Variants in SETD6 observed in about 807,000 individuals in gnomAD.
SETD6 encodes the protein SET domain containing 6, protein lysine methyltransferase.
Under a neutral mutation model 52.7 loss-of-function variants are expected in SETD6, and 67 were observed. That is an observed-to-expected ratio of 1.27 (90% CI 1.04 to 1.56). SETD6 has a LOEUF of 1.56. SETD6 is among the 40% of genes most tolerant of loss of function. The pLI is 0.00. For missense variants in SETD6, 712 were observed against 607.5 expected (o/e 1.17, Z -1.81); for synonymous variants, 307 against 250.2 (o/e 1.23, Z -2.14).
rs551705001 is a variant in SETD6 at position 58,519,125 on chromosome 16, T to C, written c.*96T>C. 7.6e-5 allele frequency: 96 copies of C among 1,269,452 alleles called. No individual in the cohort carries two copies. The East Asian group carries it at 2.3e-3, about 31-fold the overall frequency. The allele number at this position is 1,269,452 out of a possible 1,614,324, so 78.6% of individuals were successfully genotyped here. On this transcript the variant is annotated 3_prime_UTR_variant, in exon 8 of 8. Transcript: ENST00000219315. ...AAAGAGGAAAATTTGGATCTTTCTTTTGCTTACTAAACACCAAGAGGAAAA... is the reference window on the plus strand; with the variant it reads ...AAAGAGGAAAATTTGGATCTTTCTTCTGCTTACTAAACACCAAGAGGAAAA...
Position 58,518,108 on chromosome 16 carries a change from A to G in SETD6, c.850A>G (p.Thr284Ala). ...PIPKGHEIFN[T>A]YGQMANWQLI... ...TCCTAAAGGCCATGAGATTTTCAAC[A>G]CTTATGGGCAAATGGCTAACTGGCA... The change falls in exon 6 of 8, where the codon ACT (threonine) becomes GCT (alanine). Residue 284 changes from threonine (T) to alanine (A), a missense_variant. Transcript: ENST00000219315. 1 of 1,614,234 alleles carries G rather than the reference A, an allele frequency of 6.2e-7. No individual in the cohort carries two copies. The highest frequency in any genetic ancestry group is 1.3e-5 in the African/African-American group (1 of 75,066).
Position 58,520,830 on chromosome 16 carries a change from T to TG in SETD6, c.*1805dup, listed in dbSNP as rs2151884612. Reference sequence around the variant, plus strand: ...ACAGGAGGCTGATCCCAACAGTAGTTGGGGCAGATACCCACAAACCAAAGG... The same window carrying TG: ...ACAGGAGGCTGATCCCAACAGTAGTTGGGGGCAGATACCCACAAACCAAAGG... On this transcript the variant is annotated 3_prime_UTR_variant, in exon 8 of 8. Coordinates refer to ENST00000219315, the MANE Select transcript of SETD6 (RefSeq NM_001160305.4). 1.1e-6 allele frequency: 1 copy of TG among 927,420 alleles called. No homozygotes were observed. The highest frequency in any genetic ancestry group is 2.5e-5 in the East Asian group (1 of 40,698). 57.4% of individuals were successfully genotyped at this position (927,420 alleles called of 1,614,324 possible).
rs2039342803 is a variant in SETD6, at chr16:58,520,860, G to A, written c.*1831G>A. On this transcript the variant is annotated 3_prime_UTR_variant, in exon 8 of 8. Transcript: ENST00000219315. ...CAGATACCCACAAACCAAAGGGCTGGGAAAGTCAGGAAGAGCTGAAAGGAT... is the reference window on the plus strand; with the variant it reads ...CAGATACCCACAAACCAAAGGGCTGAGAAAGTCAGGAAGAGCTGAAAGGAT... The A allele has an allele frequency of 7.1e-6, 9 of 1,275,476 alleles. No homozygotes were observed. Among genetic ancestry groups the A allele is most frequent in the African/African-American group, 1.5e-5 (1 of 68,552 alleles). 79.0% of individuals were successfully genotyped at this position (1,275,476 alleles called of 1,614,324 possible). A position where few individuals can be genotyped will look rare whatever the true frequency, so the allele number is the denominator to read the frequency against.
chr16:58,518,330 T>G, intron 6 of SETD6, 71 bp from the exon 7 acceptor site: 1 of 1,592,180 alleles, frequency 6.3e-7, no homozygotes, highest in Non-Finnish European at 8.6e-7. Context: ...CTTTGTAGAC[T>G]GGGTGGCAGA....
Position 58,522,256 on chromosome 16 carries a change from AAAAAAAAAAAAG to A in SETD6, c.*3228_*3239del, listed in dbSNP as rs2039419323. Among the ~76,000 whole-genome samples the A allele has an allele frequency of 6.6e-6, 1 of 150,694 alleles. No individual in the cohort carries two copies. Among genetic ancestry groups the A allele is most frequent in the African/African-American group, 2.4e-5 (1 of 41,248 alleles). ...CTGTCTCAAAAAAAAAAAAAAAAAA[AAAAAAAAAAAAG>A]CTAACATTGCTAGTTCACATGTAAA... is the stretch of plus-strand genomic sequence containing the variant. On this transcript the variant is annotated 3_prime_UTR_variant, in exon 8 of 8. Coordinates refer to ENST00000219315, the MANE Select transcript of SETD6 (RefSeq NM_001160305.4).
rs780113516 is a variant in SETD6, at chr16:58,520,934, C to A, written c.*1905C>A. ...GTGCAGTGAGACCTCTAGACTGACACGTACAACAGAGATGCAGTTTCGTCT... is the reference window on the plus strand; with the variant it reads ...GTGCAGTGAGACCTCTAGACTGACAAGTACAACAGAGATGCAGTTTCGTCT... On this transcript the variant is annotated 3_prime_UTR_variant, in exon 8 of 8. Transcript: ENST00000219315. The A allele has an allele frequency of 5.6e-6, 9 of 1,608,824 alleles. No homozygotes were observed. The highest frequency in any genetic ancestry group is 6.8e-6 in the Non-Finnish European group (8 of 1,178,142).
At chr16:58,517,388 G>T in intron 5 of SETD6, 1 of 178,898 alleles carries the variant, frequency 5.6e-6, no homozygotes, top group Non-Finnish European at 1.2e-5. Context: ...TGAAAAGATG[G>T]CACATTTATA....
rs1406602456 is a variant in SETD6, at chr16:58,523,508, A to C, written c.*4479A>C. On this transcript the variant is annotated 3_prime_UTR_variant, in exon 8 of 8. Transcript: ENST00000219315. ...ATTCAAAAAGAGATAGCGACCTAGA[A>C]ATTAAGAAACCTTGACTTAGGACTT... The C allele has an allele frequency of 6.2e-7, 1 of 1,613,646 alleles. No individual in the cohort carries two copies. The highest frequency in any genetic ancestry group is 1.3e-5 in the African/African-American group (1 of 74,880).
At chr16:58,516,959 G>A (rs1220925180) in intron 5 of SETD6, 31 bp downstream of exon 5, 1 of 1,614,038 alleles carries the variant, frequency 6.2e-7, no homozygotes, top group East Asian at 2.2e-5. Flanking sequence ...TGCACTGATT[G>A]AGCATGATTC....
rs1227871146 is a variant in SETD6, at chr16:58,521,082, TAAC to T, written c.*2056_*2058del. On this transcript the variant is annotated 3_prime_UTR_variant, in exon 8 of 8. Transcript: ENST00000219315. ...CAAATCTCTGATTAAAGAGTAGGCC[TAAC>T]AATACCTTGCATCTCATTCAGCTGA... 1 of 1,613,582 alleles carries T rather than the reference TAAC, an allele frequency of 6.2e-7. No homozygotes were observed. Among genetic ancestry groups the T allele is most frequent in the African/African-American group, 1.3e-5 (1 of 74,920 alleles).
rs1216862337 is a variant in SETD6 at position 58,521,045 on chromosome 16, T to C, written c.*2016T>C. ...CGACCGACTGGAATAACCTGAAGGA[T>C]GAAGACAGTTACAAATCTCTGATTA... On this transcript the variant is annotated 3_prime_UTR_variant, in exon 8 of 8. Transcript: ENST00000219315. 2 of 1,614,124 alleles carry C rather than the reference T, an allele frequency of 1.2e-6. No individual in the cohort carries two copies. Among genetic ancestry groups the C allele is most frequent in the South Asian group, 2.2e-5 (2 of 91,086 alleles).
rs1043164934 is a variant in SETD6 at position 58,519,917 on chromosome 16, C to T, written c.*888C>T. 2.2e-4 allele frequency: 34 copies of T among 152,316 alleles called. No individual in the cohort carries two copies. The highest frequency in any genetic ancestry group is 6.5e-4 in the African/African-American group (27 of 41,552). 9.4% of individuals were successfully genotyped at this position (152,316 alleles called of 1,614,324 possible). On this transcript the variant is annotated 3_prime_UTR_variant, in exon 8 of 8. Transcript: ENST00000219315. ...TTTTCCTCCTCACCACCAGCACTGG[C>T]TGCTGCTACTGAGAAAGGCACAGTG...
rs1227872315 is a variant in SETD6, at chr16:58,519,312, T to TAAG, written c.*284_*286dup. The TAAG allele has an allele frequency of 2.9e-6, 1 of 346,024 alleles. No homozygotes were observed. Among genetic ancestry groups the TAAG allele is most frequent in the Non-Finnish European group, 5.3e-6 (1 of 189,650 alleles). The allele number at this position is 346,024 out of a possible 1,614,324, so 21.4% of individuals were successfully genotyped here. A position where few individuals can be genotyped will look rare whatever the true frequency, so the allele number is the denominator to read the frequency against. ...CCAGTGGACATACGGTAGTAATAAG[T>TAAG]AAGTCTTGTTGTGTTTCAGCATTTA... On this transcript the variant is annotated 3_prime_UTR_variant, in exon 8 of 8. Transcript: ENST00000219315.
At chr16:58,518,016 A>T in intron 5 of SETD6, 35 bp from the exon 6 acceptor site, 1 of 1,613,876 alleles carries the variant, frequency 6.2e-7, no homozygotes, top group African/African-American at 1.3e-5. Flanking sequence ...CTGGCCCGTG[A>T]AAGGCATGGC....
chr16:58,515,494 G>A (rs761000870), upstream of SETD6: 12 of 1,565,130 alleles, frequency 7.7e-6, no homozygotes, highest in East Asian at 1.9e-4. Context: ...CGCCGGAAGT[G>A]ACCGCGCGGT....
chr16:58,517,730 C>A, intron 5 of SETD6: 1 of 356,174 alleles, frequency 2.8e-6, no homozygotes, highest in Non-Finnish European at 5.3e-6. Flanking sequence ...CCCACTTTGA[C>A]CTCCCTAAGT....
In SETD6 at chr16:58,515,533, A is replaced by G. The variant is rs774897407; in HGVS notation, c.-5A>G. The stretch of plus-strand genomic sequence containing the variant: ...CCGGCCCGCGAGGAAACGCGCTCTT[A>G]GACCATGGCGACCCAGGCGAAGCGT... On this transcript the variant is annotated 5_prime_UTR_variant, in exon 1 of 8. Coordinates refer to ENST00000219315, the MANE Select transcript of SETD6 (RefSeq NM_001160305.4). The G allele has an allele frequency of 2.5e-6, 4 of 1,587,872 alleles. No individual in the cohort carries two copies. Among genetic ancestry groups the G allele is most frequent in the Admixed American group, 3.4e-5 (2 of 58,098 alleles).
rs1180377174 is a variant in SETD6, at chr16:58,518,839, C to T, written c.1232C>T (p.Ser411Leu). The change falls in exon 8 of 8, where the codon TCG becomes TTG. Residue 411 changes from serine (S) to leucine (L), a missense_variant. Physicochemically the swap from Ser to Leu is moderately radical, Grantham distance 145. Transcript: ENST00000219315. ...TITNIPKLKASWRQLLQNSVL... is the reference protein window; with the variant it reads ...TITNIPKLKALWRQLLQNSVL... ...ACAAATATTCCCAAGCTCAAAGCATCGTGGAGACAGCTGCTTCAAAACAGT... is the reference window on the plus strand; with the variant it reads ...ACAAATATTCCCAAGCTCAAAGCATTGTGGAGACAGCTGCTTCAAAACAGT... 8 of 1,614,158 alleles carry T rather than the reference C, an allele frequency of 5.0e-6. No homozygotes were observed. Among genetic ancestry groups the T allele is most frequent in the East Asian group, 2.2e-5 (1 of 44,880 alleles).
At chr16:58,518,703 G>A (rs2039260960) in intron 7 of SETD6, 21 bp from the exon 8 acceptor site, 2 of 1,606,512 alleles carry the variant, frequency 1.2e-6, no homozygotes, top group Non-Finnish European at 1.7e-6. Flanking sequence ...TCTAATTAAA[G>A]AGCTCTGTGG....
Sources: allele counts gnomAD v4.1 joint callset (sites outside exome capture counted in the v4.1 genomes callset), GRCh38; gene constraint gnomAD v4.1.1; transcripts MANE v1.5; gene names NCBI Gene and HGNC (gene_info 2026-07-23, HGNC 2026-07-21).